The following U2SURP variants were observed in gnomAD, a reference collection of about 807,000 sequenced individuals.
U2SURP encodes U2 snRNP associated SURP domain containing.
A neutral mutation model predicts 144.9 loss-of-function variants in U2SURP; 9 were observed. That is an observed-to-expected ratio of 0.06 (90% CI 0.04 to 0.11). The LOEUF is 0.11. Among genes scored for constraint, U2SURP ranks in the 10% least tolerant of loss-of-function variants. The probability of loss-of-function intolerance (pLI) is 1.00; values close to 1 mark genes in which losing one functional copy is unlikely to be tolerated. For synonymous variants in U2SURP, 408 were observed against 396.8 expected, an observed-to-expected ratio of 1.03 and a Z score of -0.33; for missense variants, 724 against 1,226.7, an observed-to-expected ratio of 0.59 and a Z score of 6.12.
At chr3:143,015,574 C>CT (rs1936332188) in intron 4 of U2SURP, among the ~76,000 whole-genome samples, 1 of 151,892 alleles carries the variant, frequency 6.6e-6, no homozygotes, top group African/African-American at 2.4e-5. Flanking sequence ...TAATTTTTGT[C>CT]TTTTTTCAAA....
rs1032254200 is a variant in U2SURP at position 143,034,979 on chromosome 3, C to T, written c.1941+4C>T. 28 of 1,377,706 alleles carry T rather than the reference C, an allele frequency of 2.0e-5. No individual in the cohort carries two copies. The highest frequency in any genetic ancestry group is 2.2e-5 in the Non-Finnish European group (23 of 1,029,710). 85.3% of individuals were successfully genotyped at this position (1,377,706 alleles called of 1,614,324 possible). ...TTTACAATCTGAAAACTTTAAGGTACGTTTATTGTTTTACTATTTTTGCCC... is the reference window on the plus strand; with the variant it reads ...TTTACAATCTGAAAACTTTAAGGTATGTTTATTGTTTTACTATTTTTGCCC... On this transcript the variant is annotated splice_donor_region_variant and intron_variant, in intron 19 of 27. Coordinates refer to ENST00000473835, the MANE Select transcript of U2SURP (RefSeq NM_001080415.2).
chr3:143,060,380 A>C lies in U2SURP; in HGVS notation c.*3930A>C, dbSNP rs1935324842. On this transcript the variant is annotated 3_prime_UTR_variant, in exon 28 of 28. Transcript: ENST00000473835. ...GGTGAACTGATTCTATAATTTACTT[A>C]CTTTTAATGTAAGGATTAGATTTAT... 1 of 152,006 alleles carries C rather than the reference A, an allele frequency of 6.6e-6. No homozygotes were observed. Among genetic ancestry groups the C allele is most frequent in the South Asian group, 2.1e-4 (1 of 4,826 alleles). 9.4% of individuals were successfully genotyped at this position (152,006 alleles called of 1,614,324 possible).
intron 16 of U2SURP, among the ~76,000 whole-genome samples, chr3:143,030,914 C>T (rs1273769442): frequency 1.3e-5 from 2 of 152,216 alleles, no homozygotes; most frequent in Admixed American, 6.5e-5. Flanking sequence ...CTTAAAAATC[C>T]GTTTCAGTTT....
intron 19 of U2SURP, 74 bp from the exon 20 acceptor site, chr3:143,035,908 A>G: frequency 1.4e-6 from 2 of 1,445,792 alleles, no homozygotes; most frequent in East Asian, 2.4e-5. Context: ...AATCTTGATG[A>G]TCATTCTCAT....
At chr3:143,051,279 G>A (rs1401306601) in intron 25 of U2SURP, among the ~76,000 whole-genome samples, 1 of 152,190 alleles carries the variant, frequency 6.6e-6, no homozygotes, top group Non-Finnish European at 1.5e-5. Context: ...CTGTGGACAA[G>A]AAGATTAATT....
intron 25 of U2SURP, among the ~76,000 whole-genome samples, chr3:143,052,282 T>A (rs1372680815): frequency 6.6e-6 from 1 of 152,152 alleles, no homozygotes; most frequent in African/African-American, 2.4e-5. Flanking sequence ...TAATCCTAGC[T>A]ACTCAGGAGG....
intron 12 of U2SURP, 146 bp from the exon 13 acceptor site, chr3:143,023,829 G>A: frequency 1.5e-6 from 1 of 685,186 alleles, no homozygotes; most frequent in Non-Finnish European, 2.6e-6. Context: ...ATTGCTTAGT[G>A]TATAATGACT....
Position 143,038,141 on chromosome 3 carries a change from C to A in U2SURP, c.2255C>A (p.Pro752His). Reference sequence around the variant, plus strand: ...ACTGAAGACTCAAAAAAGAATGAGCCTATATTTAAAGTTGCCCCATCAAAA... The same window carrying A: ...ACTGAAGACTCAAAAAAGAATGAGCATATATTTAAAGTTGCCCCATCAAAA... ...DATEDSKKNEPIFKVAPSKWE... is the reference protein window; with the variant it reads ...DATEDSKKNEHIFKVAPSKWE... Residue 752 changes from proline (P) to histidine (H), a missense_variant, in exon 22 of 28, where the codon CCT becomes CAT. Physicochemically the swap from Pro to His is moderately conservative, Grantham distance 77. Coordinates refer to ENST00000473835, the MANE Select transcript of U2SURP (RefSeq NM_001080415.2). 1 of 1,607,554 alleles carries A rather than the reference C, an allele frequency of 6.2e-7. No individual in the cohort carries two copies. The highest frequency in any genetic ancestry group is 1.1e-5 in the South Asian group (1 of 89,832).
intron 14 of U2SURP, among the ~76,000 whole-genome samples, chr3:143,027,649 T>C (rs1320026629): frequency 6.6e-6 from 1 of 152,196 alleles, no homozygotes; most frequent in Admixed American, 6.6e-5. Flanking sequence ...AATATTCCAT[T>C]ATATGTATTT....
intron 6 of U2SURP, among the ~76,000 whole-genome samples, chr3:143,018,203 T>G (rs1936467121): frequency 6.6e-6 from 1 of 152,214 alleles, no homozygotes; most frequent in Non-Finnish European, 1.5e-5. Flanking sequence ...TCCCATTTTT[T>G]TTTTCTATTA....
intron 1 of U2SURP, among the ~76,000 whole-genome samples, chr3:143,010,342 T>G (rs575753535): frequency 1.3e-5 from 2 of 152,324 alleles, no homozygotes; most frequent in Non-Finnish European, 2.9e-5. Flanking sequence ...TTTCTGGAAC[T>G]TTGCAGAATT....
chr3:143,028,659 T>C lies in U2SURP; in HGVS notation c.1610+13T>C. 1 of 1,582,252 alleles carries C rather than the reference T, an allele frequency of 6.3e-7. No homozygotes were observed. Among genetic ancestry groups the C allele is most frequent in the Non-Finnish European group, 8.6e-7 (1 of 1,169,272 alleles). On this transcript the variant is annotated intron_variant, in intron 16 of 27. Transcript: ENST00000473835. ...CACTTAAGGAAGAGTAAGATATTTT[T>C]CCTTTCTATTATATATTCAGAAAAG...
intron 1 of U2SURP, among the ~76,000 whole-genome samples, chr3:143,005,156 T>C (rs1187720200): frequency 1.7e-4 from 25 of 146,226 alleles, no homozygotes; most frequent in African/African-American, 6.5e-4. Context: ...TTTTTTTTTT[T>C]CTTTTTTGCC....
At chr3:143,025,343 G>A (rs1202455219) in intron 13 of U2SURP, among the ~76,000 whole-genome samples, 1 of 152,118 alleles carries the variant, frequency 6.6e-6, no homozygotes, top group Non-Finnish European at 1.5e-5. Flanking sequence ...GCGTTTTGCC[G>A]AAAGTCTTCA....
intron 6 of U2SURP, among the ~76,000 whole-genome samples, chr3:143,017,636 T>G (rs1936436657): frequency 6.6e-6 from 1 of 152,164 alleles, no homozygotes; most frequent in Non-Finnish European, 1.5e-5. Flanking sequence ...ATTTACCTTT[T>G]TTTTTTGAGA....
rs1348610202 is a variant in U2SURP at position 143,058,133 on chromosome 3, T to G, written c.*1683T>G. Reference sequence around the variant, plus strand: ...ATGTAGCCATTTAAAAAGTAACATGTTTTTCTCCCCTGCTCATTGCCTGGG... The same window carrying G: ...ATGTAGCCATTTAAAAAGTAACATGGTTTTCTCCCCTGCTCATTGCCTGGG... On this transcript the variant is annotated 3_prime_UTR_variant, in exon 28 of 28. Coordinates refer to ENST00000473835, the MANE Select transcript of U2SURP (RefSeq NM_001080415.2). 3 of 152,402 alleles carry G rather than the reference T, an allele frequency of 2.0e-5. No homozygotes were observed. Among genetic ancestry groups the G allele is most frequent in the African/African-American group, 2.4e-5 (1 of 41,444 alleles). The allele number at this position is 152,402 out of a possible 1,614,324, so 9.4% of individuals were successfully genotyped here. A position where few individuals can be genotyped will look rare whatever the true frequency, so the allele number is the denominator to read the frequency against.
Position 143,032,826 on chromosome 3 carries a change from A to G in U2SURP, c.1653A>G (p.Pro551=). The G allele has an allele frequency of 1.2e-6, 2 of 1,613,610 alleles. No homozygotes were observed. Among genetic ancestry groups the G allele is most frequent in the South Asian group, 2.2e-5 (2 of 91,024 alleles). ...AAGAAATCTTGCGGGGATTAACTCC[A>G]AGGAAAAATGATATTGGAGATGCAA... ...KLEEILRGLT[P]RKNDIGDAMV... is the part of the protein sequence containing the mutation. The change falls in exon 17 of 28, where the codon CCA becomes CCG. Residue 551 remains proline (P), a synonymous_variant. Transcript: ENST00000473835.
chr3:143,043,153 A>C lies in U2SURP; in HGVS notation c.2421A>C (p.Gln807His). Residue 807 changes from glutamine to histidine, a missense_variant, in exon 24 of 28, where the codon CAA becomes CAC. Physicochemically the swap from Gln to His is conservative, Grantham distance 24. Around this residue, in one of 13 missense-constraint regions of U2SURP, gnomAD observed 50 missense variants for 48.0 expected, o/e 1.04. Coordinates refer to ENST00000473835, the MANE Select transcript of U2SURP (RefSeq NM_001080415.2). ...EEESEDEEDT[Q>H]SSKSEEHHLY... ...AAAGTGAAGATGAAGAAGATACTCAAAGTTCCAAATCTGAAGAACATCATT... is the reference window on the plus strand; with the variant it reads ...AAAGTGAAGATGAAGAAGATACTCACAGTTCCAAATCTGAAGAACATCATT... 6.2e-7 allele frequency: 1 copy of C among 1,604,684 alleles called. No individual in the cohort carries two copies.
chr3:143,021,169 C>T (rs1936608539), intron 8 of U2SURP, among the ~76,000 whole-genome samples, 181 bp from the exon 9 acceptor site: 1 of 151,918 alleles, frequency 6.6e-6, no homozygotes, highest in Admixed American at 6.5e-5. Context: ...CCAGCCTGGG[C>T]GACAGAGCAA....
Sources: allele counts gnomAD v4.1 joint callset (sites outside exome capture counted in the v4.1 genomes callset), GRCh38; gene constraint gnomAD v4.1.1; regional missense constraint gnomAD v4.1.1; transcripts MANE v1.5; gene names NCBI Gene and HGNC (gene_info 2026-07-23, HGNC 2026-07-21).